Variants in SATB1 observed in about 807,000 individuals in gnomAD.
SATB1 encodes SATB homeobox 1.
In SATB1, 11 loss-of-function variants were observed where a neutral mutation model predicts 86.9. The ratio of observed to expected loss-of-function variants is 0.13; its 90% CI spans 0.08 to 0.21. The LOEUF is 0.21. Ranked by LOEUF, SATB1 falls within the 10% of genes least tolerant of loss-of-function variation. SATB1 has a pLI of 1.00. For missense variants in SATB1, 551 were observed against 937.6 expected, an observed-to-expected ratio of 0.59 and a Z score of 5.39; for synonymous variants, 357 against 357.2, an observed-to-expected ratio of 1.00 and a Z score of 0.01.
Position 18,444,234 on chromosome 3 carries a change from C to A in SATB1, c.-25+1284G>T, listed in dbSNP as rs1390195454. Among the ~76,000 whole-genome samples, 1 of 152,042 alleles carries A rather than the reference C, an allele frequency of 6.6e-6. No homozygotes were observed. The highest frequency in any genetic ancestry group is 2.4e-5 in the African/African-American group (1 of 41,394). ...CTTTTCCCCATTTGCTTCCTTCGGT[C>A]TTTTCCACTCCCCTTTCCTTTTCTA... On this transcript the variant is annotated intron_variant, in intron 1 of 3. Coordinates refer to the SATB1 transcript ENST00000415069. The surrounding 1 kb of genome is among the most constrained non-coding windows in gnomAD (Gnocchi z 5.1).
chr3:18,345,520 T>A lies in SATB1; in HGVS notation c.*3650A>T, dbSNP rs1205733470. 16 of 152,252 alleles carry A rather than the reference T, an allele frequency of 1.1e-4. No individual in the cohort carries two copies. In the South Asian group the frequency reaches 3.3e-3, roughly 32 times the overall value. The allele number at this position is 152,252 out of a possible 1,614,324, so 9.4% of individuals were successfully genotyped here. On this transcript the variant is annotated 3_prime_UTR_variant, in exon 11 of 11. Coordinates refer to ENST00000338745, the MANE Select transcript of SATB1 (RefSeq NM_002971.6). Reference sequence around the variant, plus strand: ...CAAAAATGTGCATATTAATAGATTGTAGTTTAGCCTTTGTCAAAAGACATG... The same window carrying A: ...CAAAAATGTGCATATTAATAGATTGAAGTTTAGCCTTTGTCAAAAGACATG...
chr3:18,420,595 C>A (rs989303476), intron 2 of SATB1, 162 bp downstream of exon 2: 1 of 634,436 alleles, frequency 1.6e-6, no homozygotes, highest in Admixed American at 2.8e-5. Context: ...TACTTTCCAA[C>A]GTGATTGATA....
At chr3:18,383,144 T>A (rs1262595979) in intron 8 of SATB1, among the ~76,000 whole-genome samples, 1 of 152,180 alleles carries the variant, frequency 6.6e-6, no homozygotes, top group Non-Finnish European at 1.5e-5. Context: ...AGGCAGAGGA[T>A]GAAGCACAGG....
At chr3:18,377,903 C>T (rs1282427906) in intron 9 of SATB1, among the ~76,000 whole-genome samples, 1 of 152,088 alleles carries the variant, frequency 6.6e-6, no homozygotes, top group African/African-American at 2.4e-5. Flanking sequence ...ACTGACTATC[C>T]ATTATGATAT....
intron 5 of SATB1, among the ~76,000 whole-genome samples, chr3:18,402,881 A>G (rs1697343598): frequency 6.6e-6 from 1 of 152,092 alleles, no homozygotes; most frequent in Non-Finnish European, 1.5e-5. Context: ...TATTTACACA[A>G]TTATCTAAAT....
At chr3:18,437,956 C>A (rs907319074) in intron 1 of SATB1, among the ~76,000 whole-genome samples, 6 of 151,984 alleles carry the variant, frequency 3.9e-5, no homozygotes, top group African/African-American at 1.5e-4. Context: ...GTTGTTAATC[C>A]CCAATGATTT....
At position 18,420,797 on chromosome 3, in the gene SATB1, T is replaced by C. The variant is rs536454045; in HGVS notation, c.171A>G (p.Leu57=). ...STGAKMQGVP[L]KHSGHLMKTN... ...TTTTCATCAGATGGCCCGAGTGTTT[T>C]AAAGGCACTCCCTGCATTTTTGCAC... The change falls in exon 2 of 11, where the codon TTA becomes TTG. Residue 57 remains leucine (L), a synonymous_variant. Transcript: ENST00000338745. The C allele has an allele frequency of 1.2e-6, 2 of 1,614,150 alleles. No individual in the cohort carries two copies. Among genetic ancestry groups the C allele is most frequent in the East Asian group, 4.5e-5 (2 of 44,888 alleles).
At position 18,352,173 on chromosome 3, in the gene SATB1, C is replaced by T. The variant is rs1404514228; in HGVS notation, c.1598G>A (p.Arg533His). 2 of 1,614,146 alleles carry T rather than the reference C, an allele frequency of 1.2e-6. No individual in the cohort carries two copies. Among genetic ancestry groups the T allele is most frequent in the Non-Finnish European group, 1.7e-6 (2 of 1,180,036 alleles). The part of the protein sequence containing the change: ...KSQGWLCELL[R>H]WKEDPSPENR... ...TTCTGGAGAAGGATCTTCTTTCCAG[C>T]GTAACAGCTCGCACAACCATCCCTT... is the stretch of plus-strand genomic sequence containing the variant. The change falls in exon 10 of 11, where the codon CGC becomes CAC. Residue 533 changes from arginine to histidine, a missense_variant. Physicochemically the swap from Arg to His is conservative, Grantham distance 29 (BLOSUM62 0). Coordinates refer to ENST00000338745, the MANE Select transcript of SATB1 (RefSeq NM_002971.6). This position sits in a 1 kb window ranked among gnomAD's most constrained non-coding sequence, Gnocchi z 4.1.
intron 7 of SATB1, among the ~76,000 whole-genome samples, chr3:18,393,235 T>A (rs1696779904): frequency 6.6e-6 from 1 of 152,038 alleles, no homozygotes; most frequent in Admixed American, 6.6e-5. Context: ...ATAAGATAAA[T>A]TGACAAAAGA....
At chr3:18,404,675 T>C (rs554790096) in intron 5 of SATB1, among the ~76,000 whole-genome samples, 1 of 152,172 alleles carries the variant, frequency 6.6e-6, no homozygotes, top group South Asian at 2.1e-4. Context: ...ACAGTTTATA[T>C]GGCTCTTCCA....
At chr3:18,374,169 T>C (rs1297916028) in intron 9 of SATB1, among the ~76,000 whole-genome samples, 1 of 152,184 alleles carries the variant, frequency 6.6e-6, no homozygotes, top group African/African-American at 2.4e-5. Flanking sequence ...GTGCTGCTAA[T>C]GTCTCCTTGC....
At chr3:18,430,364 AT>A (rs2125193770) in intron 2 of SATB1, among the ~76,000 whole-genome samples, 1 of 152,352 alleles carries the variant, frequency 6.6e-6, no homozygotes, top group African/African-American at 2.4e-5. Flanking sequence ...TGATACCTGT[AT>A]ACTGCTAAAT....
chr3:18,444,361 C>T lies in SATB1; in HGVS notation c.-25+1157G>A, dbSNP rs1490384422. Among the ~76,000 whole-genome samples, 1 of 151,966 alleles carries T rather than the reference C, an allele frequency of 6.6e-6. No homozygotes were observed. The highest frequency in any genetic ancestry group is 1.5e-5 in the Non-Finnish European group (1 of 67,982). On this transcript the variant is annotated intron_variant, in intron 1 of 3. Transcript: ENST00000415069. This position sits in a 1 kb window ranked among gnomAD's most constrained non-coding sequence, Gnocchi z 5.1. ...CCAGACAGAAAACGAATGGCATCTT[C>T]AAATCCCCCATCCCGACCGCTCTCC...
upstream of SATB1, among the ~76,000 whole-genome samples, chr3:18,427,391 C>CCA (rs1295325137): frequency 6.6e-6 from 1 of 151,834 alleles, no homozygotes; most frequent in East Asian, 1.9e-4. Context: ...TTATAGTGGT[C>CCA]CACACACACA....
chr3:18,440,482 T>C (rs556288350), upstream of SATB1, among the ~76,000 whole-genome samples: 1 of 152,276 alleles, frequency 6.6e-6, no homozygotes, highest in South Asian at 2.1e-4. Context: ...GACAGGAATA[T>C]AAATACGTGC....
intron 1 of SATB1, chr3:18,445,348 C>T: frequency 1.0e-6 from 1 of 979,868 alleles, no homozygotes; most frequent in Non-Finnish European, 1.2e-6. Context: ...AGCGCGCCGG[C>T]CGGGGTGTGG....
intron 5 of SATB1, among the ~76,000 whole-genome samples, chr3:18,408,097 C>A (rs1697638914): frequency 6.6e-6 from 1 of 152,030 alleles, no homozygotes; most frequent in Non-Finnish European, 1.5e-5. Context: ...TGGTTTGCAT[C>A]TTCAACCTGA....
Position 18,416,959 on chromosome 3 carries a change from T to C in SATB1, c.331A>G (p.Ile111Val). 6.2e-7 allele frequency: 1 copy of C among 1,613,648 alleles called. No individual in the cohort carries two copies. The highest frequency in any genetic ancestry group is 8.5e-7 in the Non-Finnish European group (1 of 1,179,692). Reference sequence around the variant, plus strand: ...CCTAGAGACAGCAATGCCATTTCGATCAGCTGGTTGAAAAGCATATCCTTT... The same window carrying C: ...CCTAGAGACAGCAATGCCATTTCGACCAGCTGGTTGAAAAGCATATCCTTT... The part of the protein sequence containing the change: ...VRKDMLFNQL[I>V]EMALLSLGYS... The change falls in exon 3 of 11, where the codon ATC becomes GTC. Residue 111 changes from isoleucine (I) to valine (V), a missense_variant. By Grantham distance (29) the Ile-to-Val change is conservative (BLOSUM62 3). Coordinates refer to ENST00000338745, the MANE Select transcript of SATB1 (RefSeq NM_002971.6).
In SATB1 at chr3:18,443,828, T is replaced by A. The variant is rs1025455889; in HGVS notation, c.-25+1690A>T. Among the ~76,000 whole-genome samples the A allele has an allele frequency of 6.6e-6, 1 of 152,172 alleles. No individual in the cohort carries two copies. The highest frequency in any genetic ancestry group is 1.5e-5 in the Non-Finnish European group (1 of 68,036). On this transcript the variant is annotated intron_variant, in intron 1 of 3. Coordinates refer to the SATB1 transcript ENST00000415069. The surrounding 1 kb of genome is among the most constrained non-coding windows in gnomAD (Gnocchi z 4.4). ...GCACCTGTGATGTCCCGGCCCCTGCTAAGAGGACGGCCCTTTCTTCTGCCT... is the reference window on the plus strand; with the variant it reads ...GCACCTGTGATGTCCCGGCCCCTGCAAAGAGGACGGCCCTTTCTTCTGCCT...
Sources: gnomAD v4.1 joint callset for allele counts (sites outside exome capture counted in the v4.1 genomes callset) on GRCh38, gnomAD v4.1.1 for gene constraint, Gnocchi (gnomAD v3.1) non-coding constraint, MANE v1.5 for transcripts, NCBI Gene and HGNC (gene_info 2026-07-23, HGNC 2026-07-21) for gene names.